The following CLEC16A variants were observed in gnomAD, a reference collection of about 807,000 sequenced individuals.
CLEC16A encodes C-type lectin domain containing 16A.
A neutral mutation model predicts 109.5 loss-of-function variants in CLEC16A; 51 were observed. The ratio of observed to expected loss-of-function variants is 0.47; its 90% CI spans 0.37 to 0.59. The LOEUF (loss-of-function observed/expected upper bound fraction) is 0.59. CLEC16A is among the 20% of genes least tolerant of loss of function. CLEC16A has a pLI of 0.00. For missense variants in CLEC16A, 1,339 were observed against 1,394.0 expected, an observed-to-expected ratio of 0.96 and a Z score of 0.63; for synonymous variants, 673 against 564.2, an observed-to-expected ratio of 1.19 and a Z score of -2.73.
intron 19 of CLEC16A, among the ~76,000 whole-genome samples, chr16:11,061,609 T>C (rs2048483412): frequency 6.6e-6 from 1 of 152,226 alleles, no homozygotes; most frequent in South Asian, 2.1e-4. Context: ...GGAACCCCTC[T>C]CGTATTTGTA....
At chr16:11,137,119 C>T (rs949067603) in intron 22 of CLEC16A, among the ~76,000 whole-genome samples, 1 of 152,186 alleles carries the variant, frequency 6.6e-6, no homozygotes, top group African/African-American at 2.4e-5. Flanking sequence ...GCATCTGTGT[C>T]TCAAGTCTGT....
At chr16:11,065,565 G>C (rs2048715139) in intron 19 of CLEC16A, among the ~76,000 whole-genome samples, 1 of 152,238 alleles carries the variant, frequency 6.6e-6, no homozygotes, top group South Asian at 2.1e-4. Context: ...GGTGTTTCCA[G>C]TTGTGGAGGG....
At chr16:10,947,309 TG>T (rs1308827309) in intron 1 of CLEC16A, among the ~76,000 whole-genome samples, 1 of 152,234 alleles carries the variant, frequency 6.6e-6, no homozygotes, top group Non-Finnish European at 1.5e-5. Context: ...GTAAACATCT[TG>T]GGTCTTGGGT....
chr16:10,985,220 A>AATATATATATAT (rs57265284), intron 10 of CLEC16A, among the ~76,000 whole-genome samples: 23 of 104,076 alleles, frequency 2.2e-4, no homozygotes, highest in South Asian at 6.5e-4. Context: ...AAAAAAAAAA[A>AATATATATATAT]ATATATATAT....
In CLEC16A at chr16:11,149,192, G is replaced by C. The variant is rs794427; in HGVS notation, c.2642-17196G>C. The stretch of plus-strand genomic sequence containing the variant: ...CAAGTCACCAGTGGTGGTGAGTCAG[G>C]CAGGCAGCGGGACTTGACCCCATGG... On this transcript the variant is annotated intron_variant, in intron 22 of 23. Coordinates refer to ENST00000409790, the MANE Select transcript of CLEC16A (RefSeq NM_015226.3). 1.9e-3 allele frequency among the ~76,000 whole-genome samples: 286 copies of C among 152,324 alleles called. 3 individuals are homozygous for C. Among genetic ancestry groups the C allele is most frequent in the African/African-American group, 6.7e-3 (277 of 41,576 alleles).
At chr16:11,087,636 G>T (rs1049714121) in intron 19 of CLEC16A, among the ~76,000 whole-genome samples, 6 of 152,224 alleles carry the variant, frequency 3.9e-5, no homozygotes, top group Non-Finnish European at 8.8e-5. Flanking sequence ...AGGCAAGGAA[G>T]TTCTATATCT....
intron 22 of CLEC16A, among the ~76,000 whole-genome samples, chr16:11,142,362 C>T (rs1244557103): frequency 6.6e-6 from 1 of 152,232 alleles, no homozygotes; most frequent in Non-Finnish European, 1.5e-5. Flanking sequence ...ATGCGTGGCT[C>T]CTGGGCACGC....
At chr16:11,129,978 G>T (rs2053092664) in intron 22 of CLEC16A, among the ~76,000 whole-genome samples, 1 of 152,120 alleles carries the variant, frequency 6.6e-6, no homozygotes, top group African/African-American at 2.4e-5. Context: ...TAGCCAGGAT[G>T]GTCTCGATCT....
chr16:11,027,551 C>T (rs1272108083), intron 13 of CLEC16A: 1 of 1,557,620 alleles, frequency 6.4e-7, no homozygotes, highest in Non-Finnish European at 8.7e-7. Context: ...TTGAGGAGCA[C>T]CTGGGGAAGT....
At chr16:10,970,378 G>GAC (rs2042722146) in intron 4 of CLEC16A, among the ~76,000 whole-genome samples, 1 of 152,120 alleles carries the variant, frequency 6.6e-6, no homozygotes, top group Non-Finnish European at 1.5e-5. Context: ...TACTTCTTAG[G>GAC]TGTCAGGTGC....
Position 10,944,793 on chromosome 16 carries a change from C to G in CLEC16A, c.76C>G (p.Leu26Val). The change falls in exon 1 of 24, where the codon CTC becomes GTC. Residue 26 changes from leucine (L) to valine (V), a missense_variant. Coordinates refer to ENST00000409790, the MANE Select transcript of CLEC16A (RefSeq NM_015226.3). ...TSRNIHSLDH[L>V]KYLYHVLTKN... ...CCGCAACATCCACTCCTTGGACCAC[C>G]TCAAGTGAGTGTGGGGGGCGTAGCG... The G allele has an allele frequency of 6.2e-7, 1 of 1,607,462 alleles. No homozygotes were observed. The highest frequency in any genetic ancestry group is 1.1e-5 in the South Asian group (1 of 89,968).
At chr16:11,023,512 G>A (rs741179) in intron 12 of CLEC16A, among the ~76,000 whole-genome samples, 12,984 of 152,072 alleles carry the variant, frequency 0.085, 605 homozygotes, top group African/African-American at 0.12. Flanking sequence ...GAGAAATGGG[G>A]ATGGAACATA....
intron 16 of CLEC16A, 47 bp from the exon 17 acceptor site, chr16:11,047,245 A>C: frequency 1.3e-6 from 2 of 1,527,752 alleles, no homozygotes. Context: ...TTGTTTATGG[A>C]AAAAAATATG....
intron 19 of CLEC16A, among the ~76,000 whole-genome samples, chr16:11,086,853 A>AC (rs1335829641): frequency 2.0e-5 from 3 of 152,118 alleles, no homozygotes; most frequent in Non-Finnish European, 4.4e-5. Flanking sequence ...AGTCAGCGCT[A>AC]CCCCATCTCC....
intron 9 of CLEC16A, among the ~76,000 whole-genome samples, 194 bp downstream of exon 9, chr16:10,979,576 T>C (rs938533707): frequency 1.3e-5 from 2 of 152,132 alleles, no homozygotes; most frequent in African/African-American, 4.8e-5. Flanking sequence ...TTTTTCATGG[T>C]AGGAGATGGA....
At chr16:11,010,667 A>C (rs1255846577) in intron 11 of CLEC16A, among the ~76,000 whole-genome samples, 1 of 152,214 alleles carries the variant, frequency 6.6e-6, no homozygotes, top group East Asian at 1.9e-4. Context: ...CACAGCTGTC[A>C]AATTCATAGT....
intron 18 of CLEC16A, among the ~76,000 whole-genome samples, chr16:11,054,820 G>A (rs1465473117): frequency 6.6e-6 from 1 of 152,182 alleles, no homozygotes; most frequent in Non-Finnish European, 1.5e-5. Context: ...CTGAGCTAAA[G>A]GAAGTTACAT....
intron 22 of CLEC16A, among the ~76,000 whole-genome samples, chr16:11,154,008 G>C (rs1226514399): frequency 5.3e-5 from 8 of 152,192 alleles, no homozygotes; most frequent in African/African-American, 1.9e-4. Context: ...TAAGCATTTT[G>C]TTGAAGCTAC....
intron 10 of CLEC16A, among the ~76,000 whole-genome samples, chr16:10,996,994 C>A (rs1182915359): frequency 6.6e-6 from 1 of 152,216 alleles, no homozygotes; most frequent in South Asian, 2.1e-4. Flanking sequence ...CACGGTCTTG[C>A]TGTGTCACCC....
Sources: allele counts gnomAD v4.1 joint callset (sites outside exome capture counted in the v4.1 genomes callset), GRCh38; gene constraint gnomAD v4.1.1; transcripts MANE v1.5; gene names NCBI Gene and HGNC (gene_info 2026-07-23, HGNC 2026-07-21).